The following CACNA2D3 variants were observed in gnomAD, a reference collection of about 807,000 sequenced individuals.
The protein encoded by CACNA2D3 is calcium voltage-gated channel auxiliary subunit alpha2delta 3, also known as voltage-dependent calcium channel subunit alpha-2/delta-3.
CACNA2D3 carries 60 observed loss-of-function variants against 160.6 expected under a neutral mutation model. The observed-to-expected ratio is 0.37, with a 90% CI of 0.30 to 0.46. CACNA2D3 has a LOEUF of 0.46. CACNA2D3 is among the 20% of genes least tolerant of loss of function. The probability of loss-of-function intolerance (pLI) is 1.00; values close to 1 mark genes in which losing one functional copy is unlikely to be tolerated. For synonymous variants in CACNA2D3, 558 were observed against 492.9 expected (o/e 1.13, Z -1.75); for missense variants, 1,205 against 1,365.0 (o/e 0.88, Z 1.85).
chr3:54,193,938 G>A (rs915036046), intron 2 of CACNA2D3, among the ~76,000 whole-genome samples: 10 of 152,170 alleles, frequency 6.6e-5, no homozygotes, highest in Admixed American at 5.2e-4. Context: ...CTCAGGGTCT[G>A]GCCCATAGTT....
At chr3:54,373,719 A>G (rs1234156208) in intron 3 of CACNA2D3, among the ~76,000 whole-genome samples, 1 of 152,194 alleles carries the variant, frequency 6.6e-6, no homozygotes, top group Non-Finnish European at 1.5e-5. Context: ...AGGCTTGCTC[A>G]ATGGCTTTCT....
At chr3:54,713,321 T>C (rs916538447) in intron 11 of CACNA2D3, among the ~76,000 whole-genome samples, 1 of 152,162 alleles carries the variant, frequency 6.6e-6, no homozygotes, top group African/African-American at 2.4e-5. Flanking sequence ...TGGAATTAGG[T>C]GATTCTCCAC....
chr3:54,446,751 C>G (rs1700227648), intron 4 of CACNA2D3, among the ~76,000 whole-genome samples: 1 of 152,102 alleles, frequency 6.6e-6, no homozygotes, highest in African/African-American at 2.4e-5. Flanking sequence ...TTTTCATCTC[C>G]TGACAGCGCT....
intron 35 of CACNA2D3, among the ~76,000 whole-genome samples, chr3:55,067,258 T>C (rs965265390): frequency 1.3e-5 from 2 of 152,142 alleles, no homozygotes; most frequent in African/African-American, 4.8e-5. Context: ...TCACTCTGGG[T>C]CTGTCCTCAA....
At chr3:54,841,684 T>G (rs1375471434) in intron 16 of CACNA2D3, among the ~76,000 whole-genome samples, 1 of 152,196 alleles carries the variant, frequency 6.6e-6, no homozygotes. Flanking sequence ...CTTCATAGAT[T>G]TTCCCACAAG....
intron 13 of CACNA2D3, among the ~76,000 whole-genome samples, chr3:54,775,711 G>A (rs888172022): frequency 3.3e-5 from 5 of 151,626 alleles, no homozygotes; most frequent in Admixed American, 6.6e-5. Flanking sequence ...ATCATATTTC[G>A]GCCTTATTTT....
chr3:54,125,242 T>TACACACACACACACACACACACACAC (rs59950857), intron 2 of CACNA2D3, among the ~76,000 whole-genome samples: 1 of 147,944 alleles, frequency 6.8e-6, no homozygotes, highest in Non-Finnish European at 1.5e-5. Context: ...TCTTTGAAGT[T>TACACACACACACACACACACACACAC]ACACACACAC....
At chr3:54,135,956 C>T (rs995743034) in intron 2 of CACNA2D3, among the ~76,000 whole-genome samples, 21 of 152,230 alleles carry the variant, frequency 1.4e-4, no homozygotes, top group Admixed American at 8.5e-4. Context: ...AAGGGTTCCA[C>T]GTCCCACCGT....
At chr3:54,992,217 G>A (rs905639231) in intron 31 of CACNA2D3, among the ~76,000 whole-genome samples, 3 of 152,166 alleles carry the variant, frequency 2.0e-5, no homozygotes, top group Non-Finnish European at 2.9e-5. Flanking sequence ...ATCAAGACAC[G>A]AGGTTAAAAG....
chr3:54,768,277 A>G (rs945288690), intron 13 of CACNA2D3, among the ~76,000 whole-genome samples: 1 of 152,210 alleles, frequency 6.6e-6, no homozygotes, highest in African/African-American at 2.4e-5. Context: ...AGCACCACCA[A>G]TGAGAAGCAG....
chr3:54,132,473 C>T (rs1278220362), intron 2 of CACNA2D3, among the ~76,000 whole-genome samples: 2 of 152,140 alleles, frequency 1.3e-5, no homozygotes, highest in Non-Finnish European at 2.9e-5. Context: ...CAGGAGCCAC[C>T]TGGTCGCCCT....
chr3:54,822,782 C>CTTTCT (rs1703648428), intron 14 of CACNA2D3, among the ~76,000 whole-genome samples: 1 of 77,556 alleles, frequency 1.3e-5, no homozygotes, highest in African/African-American at 5.4e-5. Context: ...TTCTTTCTTT[C>CTTTCT]TTTCTTTCCT....
At chr3:54,494,453 T>C (rs1701171706) in intron 4 of CACNA2D3, among the ~76,000 whole-genome samples, 1 of 152,190 alleles carries the variant, frequency 6.6e-6, no homozygotes, top group South Asian at 2.1e-4. Flanking sequence ...CGCAGATTAT[T>C]CAATTAAATG....
At chr3:55,009,475 T>C in intron 34 of CACNA2D3, 32 bp downstream of exon 34, 1 of 1,601,150 alleles carries the variant, frequency 6.2e-7, no homozygotes, top group Non-Finnish European at 8.6e-7. Context: ...TTTCCCAGCT[T>C]GGAGGGATAA....
At chr3:54,739,454 C>CCACA (rs371963374) in intron 11 of CACNA2D3, among the ~76,000 whole-genome samples, 4,175 of 137,424 alleles carry the variant, frequency 0.03, 224 homozygotes, top group African/African-American at 0.11. Flanking sequence ...AAAAAAAAAA[C>CCACA]CACACACACA....
chr3:54,751,683 G>A (rs1701859965), intron 11 of CACNA2D3, among the ~76,000 whole-genome samples: 1 of 152,112 alleles, frequency 6.6e-6, no homozygotes, highest in Non-Finnish European at 1.5e-5. Context: ...CAGACTAGAG[G>A]AGCTGGAAGG....
chr3:54,725,007 G>A (rs1046844123), intron 11 of CACNA2D3, among the ~76,000 whole-genome samples: 2 of 151,972 alleles, frequency 1.3e-5, no homozygotes, highest in Non-Finnish European at 2.9e-5. Flanking sequence ...CAAGAAAATA[G>A]ATAGACTCCT....
chr3:54,760,410 G>A (rs1702061737), intron 12 of CACNA2D3, among the ~76,000 whole-genome samples: 1 of 152,190 alleles, frequency 6.6e-6, no homozygotes, highest in African/African-American at 2.4e-5. Context: ...GCAAGAGGGA[G>A]ATGGCAGGGA....
Position 54,646,184 on chromosome 3 carries a change from C to CTCCCTCCTTGCTTCCT in CACNA2D3, c.1167+3946_1167+3947insCTCCTTGCTTCCTTCC, listed in dbSNP as rs1699642449. On this transcript the variant is annotated intron_variant, in intron 11 of 37. Coordinates refer to ENST00000474759, the MANE Select transcript of CACNA2D3 (RefSeq NM_018398.3). ...CCTCCCTCCCTCCCTCCCTCCCTCCCTCCTTCCTTGCTTCCTTCCTTCCTT... is the reference window on the plus strand; with the variant it reads ...CCTCCCTCCCTCCCTCCCTCCCTCCCTCCCTCCTTGCTTCCTTCCTTCCTTGCTTCCTTCCTTCCTT... Among the ~76,000 whole-genome samples the CTCCCTCCTTGCTTCCT allele has an allele frequency of 6.0e-4, 9 of 14,906 alleles. 1 individual carries two copies. The highest frequency in any genetic ancestry group is 1.1e-3 in the Non-Finnish European group (7 of 6,490). The allele number at this position is 14,906 out of a possible 152,430, so 9.8% of individuals were successfully genotyped here.
Sources: allele counts gnomAD v4.1 joint callset (sites outside exome capture counted in the v4.1 genomes callset), GRCh38; gene constraint gnomAD v4.1.1; transcripts MANE v1.5; gene names NCBI Gene and HGNC (gene_info 2026-07-23, HGNC 2026-07-21).